Variants in SYT10 observed in about 807,000 individuals in gnomAD.
SYT10 encodes the protein synaptotagmin-10.
Under a neutral mutation model 51.1 loss-of-function variants are expected in SYT10, and 31 were observed. The ratio of observed to expected loss-of-function variants is 0.61; its 90% CI spans 0.46 to 0.82. The LOEUF is 0.82. Ranked by LOEUF, SYT10 falls within the 40% of genes least tolerant of loss-of-function variation. The pLI is 0.00. For missense variants in SYT10, 603 were observed against 634.0 expected, an observed-to-expected ratio of 0.95 and a Z score of 0.53; for synonymous variants, 233 against 225.9, an observed-to-expected ratio of 1.03 and a Z score of -0.28.
At chr12:33,416,056 CCCCA>C (rs1866450476) in intron 2 of SYT10, among the ~76,000 whole-genome samples, 1 of 135,640 alleles carries the variant, frequency 7.4e-6, no homozygotes, top group Non-Finnish European at 1.6e-5. Context: ...TCCTCTTGAC[CCCCA>C]TTACCACTTC....
At chr12:33,425,373 A>C (rs1451843220) in intron 2 of SYT10, among the ~76,000 whole-genome samples, 1 of 152,180 alleles carries the variant, frequency 6.6e-6, no homozygotes, top group Non-Finnish European at 1.5e-5. Flanking sequence ...TTAGCAGAAA[A>C]AAATGCCTCT....
chr12:33,418,548 G>C (rs115033318), intron 2 of SYT10, among the ~76,000 whole-genome samples: 1 of 152,040 alleles, frequency 6.6e-6, no homozygotes, highest in South Asian at 2.1e-4. Context: ...CCACAGGTCC[G>C]GATCTCCTCT....
At chr12:33,411,260 A>G (rs577169891) in intron 2 of SYT10, among the ~76,000 whole-genome samples, 1 of 152,038 alleles carries the variant, frequency 6.6e-6, no homozygotes, top group Non-Finnish European at 1.5e-5. Context: ...ATGCTTTTAT[A>G]TGTTTTCCAC....
intron 6 of SYT10, among the ~76,000 whole-genome samples, chr12:33,377,300 G>C (rs1866071506): frequency 6.6e-6 from 1 of 152,040 alleles, no homozygotes; most frequent in Non-Finnish European, 1.5e-5. Flanking sequence ...AGCCTCCCGA[G>C]TAGCTTGGAT....
chr12:33,434,605 A>G (rs1237034012), intron 1 of SYT10, among the ~76,000 whole-genome samples: 1 of 152,144 alleles, frequency 6.6e-6, no homozygotes, highest in Non-Finnish European at 1.5e-5. Context: ...GGAGTTGGAG[A>G]CCAGCCCGGC....
At chr12:33,424,757 T>G (rs1336057250) in intron 2 of SYT10, among the ~76,000 whole-genome samples, 3 of 151,814 alleles carry the variant, frequency 2.0e-5, no homozygotes, top group Non-Finnish European at 4.4e-5. Context: ...AATATATAGT[T>G]CAATAAATAT....
At chr12:33,400,843 C>T (rs531470246) in intron 3 of SYT10, among the ~76,000 whole-genome samples, 131 of 151,988 alleles carry the variant, frequency 8.6e-4, no homozygotes, top group African/African-American at 2.9e-3. Flanking sequence ...CTGGCCAACA[C>T]GGTGAAACCC....
intron 2 of SYT10, among the ~76,000 whole-genome samples, chr12:33,414,189 C>T (rs984722118): frequency 6.6e-6 from 1 of 152,212 alleles, no homozygotes; most frequent in African/African-American, 2.4e-5. Context: ...TAAAGTAAGT[C>T]CTTAGAAACA....
chr12:33,398,030 G>T (rs1013664388), intron 3 of SYT10, among the ~76,000 whole-genome samples: 1 of 152,088 alleles, frequency 6.6e-6, no homozygotes, highest in Non-Finnish European at 1.5e-5. Context: ...GAAATCGGAA[G>T]GGATGGGAAG....
chr12:33,390,669 C>T (rs1866197283), intron 3 of SYT10, among the ~76,000 whole-genome samples: 1 of 152,112 alleles, frequency 6.6e-6, no homozygotes, highest in East Asian at 1.9e-4. Flanking sequence ...TGTGTATACA[C>T]ACACACACAC....
chr12:33,387,250 A>G (rs541106173), intron 3 of SYT10, among the ~76,000 whole-genome samples: 2 of 152,304 alleles, frequency 1.3e-5, no homozygotes, highest in East Asian at 3.9e-4. Context: ...CAGAGAAAAA[A>G]CTAATTAAAT....
chr12:33,417,595 G>T (rs1035011969), intron 2 of SYT10, among the ~76,000 whole-genome samples: 3 of 152,244 alleles, frequency 2.0e-5, no homozygotes, highest in Admixed American at 2.0e-4. Flanking sequence ...AAGATTGAGA[G>T]GGAAAACAGA....
intron 2 of SYT10, among the ~76,000 whole-genome samples, chr12:33,409,518 C>CTTT (rs60672554): frequency 5.0e-5 from 7 of 140,314 alleles, no homozygotes; most frequent in African/African-American, 1.9e-4. Context: ...GATTTCTTTT[C>CTTT]TTTTTTTTTT....
chr12:33,430,823 T>C (rs1399484869), intron 1 of SYT10, among the ~76,000 whole-genome samples: 1 of 152,158 alleles, frequency 6.6e-6, no homozygotes, highest in African/African-American at 2.4e-5. Flanking sequence ...TCAGCAACTC[T>C]TAGTCAAAGA....
rs766147514 is a variant in SYT10 at position 33,406,756 on chromosome 12, A to G, written c.1077+33T>C. On this transcript the variant is annotated intron_variant, in intron 3 of 6. Coordinates refer to ENST00000228567, the MANE Select transcript of SYT10 (RefSeq NM_198992.4). ...AGTCACATAGCATTGTAAGTCAAAT[A>G]AAAAACAATATATTGGTGGAATTAC... 50 of 1,526,778 alleles carry G rather than the reference A, an allele frequency of 3.3e-5. No individual in the cohort carries two copies. In the Admixed American group the frequency reaches 7.9e-4, roughly 24 times the overall value. 94.6% of individuals were successfully genotyped at this position (1,526,778 alleles called of 1,614,324 possible). A position where few individuals can be genotyped will look rare whatever the true frequency, so the allele number is the denominator to read the frequency against.
At position 33,382,438 on chromosome 12, in the gene SYT10, G is replaced by T. The variant is rs796651369; in HGVS notation, c.1281C>A (p.Asn427Lys). 1 of 1,613,240 alleles carries T rather than the reference G, an allele frequency of 6.2e-7. No individual in the cohort carries two copies. Among genetic ancestry groups the T allele is most frequent in the Non-Finnish European group, 8.5e-7 (1 of 1,179,612 alleles). ...RKTTTKKNTL[N>K]PVYNEAIIFD... is the part of the protein sequence containing the mutation. ...AAATAATGGCCTCATTGTACACAGGGTTTAGAGTGTTTTTCTTTGTAGTTG... is the reference window on the plus strand; with the variant it reads ...AAATAATGGCCTCATTGTACACAGGTTTTAGAGTGTTTTTCTTTGTAGTTG... Residue 427 changes from asparagine (N) to lysine (K), a missense_variant, in exon 5 of 7, where the codon AAC (asparagine) becomes AAA (lysine). By Grantham distance (94) the Asn-to-Lys change is moderately conservative. Transcript: ENST00000228567.
intron 2 of SYT10, chr12:33,407,660 C>T (rs957509058): frequency 8.8e-5 from 25 of 285,514 alleles, no homozygotes; most frequent in Non-Finnish European, 1.4e-4. Flanking sequence ...AGCTGGAGTA[C>T]GGTAGTGCTA....
chr12:33,425,826 G>C (rs1866545535), intron 2 of SYT10, among the ~76,000 whole-genome samples: 1 of 152,050 alleles, frequency 6.6e-6, no homozygotes, highest in African/African-American at 2.4e-5. Flanking sequence ...TATTTCAGTG[G>C]AAAGAGTTTA....
In SYT10 at chr12:33,375,403, T is replaced by G. The variant is rs764918551; in HGVS notation, c.*1427A>C. On this transcript the variant is annotated 3_prime_UTR_variant, in exon 7 of 7. Coordinates refer to ENST00000228567, the MANE Select transcript of SYT10 (RefSeq NM_198992.4). ...TTTTCTCATCCAGGTAAATATGTTT[T>G]TATTTTCTTGCCTCTTTTTTTAAAA... is the stretch of plus-strand genomic sequence containing the variant. The G allele has an allele frequency of 6.4e-4, 98 of 152,226 alleles. No individual in the cohort carries two copies. The highest frequency in any genetic ancestry group is 2.3e-3 in the African/African-American group (94 of 41,582). 9.4% of individuals were successfully genotyped at this position (152,226 alleles called of 1,614,324 possible).
Sources: gnomAD v4.1 joint callset for allele counts (sites outside exome capture counted in the v4.1 genomes callset) on GRCh38, gnomAD v4.1.1 for gene constraint, MANE v1.5 for transcripts, NCBI Gene and HGNC (gene_info 2026-07-23, HGNC 2026-07-21) for gene names.